Variants in DDX11 observed in about 807,000 individuals in gnomAD.
The protein encoded by DDX11 is DEAD/H-box helicase 11, also known as ATP-dependent DNA helicase DDX11.
In DDX11, 72 loss-of-function variants were observed where a neutral mutation model predicts 125.2. That is an observed-to-expected ratio of 0.58 (90% CI 0.48 to 0.70). The LOEUF is 0.70. DDX11 is among the 30% of genes least tolerant of loss of function. DDX11 has a pLI of 0.00. For synonymous variants in DDX11, 347 were observed against 452.6 expected, an observed-to-expected ratio of 0.77 and a Z score of 2.96; for missense variants, 883 against 1,165.0, an observed-to-expected ratio of 0.76 and a Z score of 3.52.
Position 31,104,305 on chromosome 12 carries a change from GC to G in DDX11, c.*471del. ...TGGTCTCAATTTAAAATGATCCATGGCCACAGGGCTCCTGCCCAGGGGCTTG... is the reference window on the plus strand; with the variant it reads ...TGGTCTCAATTTAAAATGATCCATGGCACAGGGCTCCTGCCCAGGGGCTTG... On this transcript the variant is annotated 3_prime_UTR_variant, in exon 27 of 27. Transcript: ENST00000542838. 2.1e-6 allele frequency: 1 copy of G among 485,988 alleles called. No individual in the cohort carries two copies. Among genetic ancestry groups the G allele is most frequent in the Non-Finnish European group, 3.5e-6 (1 of 284,160 alleles). The allele number at this position is 485,988 out of a possible 1,614,324, so 30.1% of individuals were successfully genotyped here. A position where few individuals can be genotyped will look rare whatever the true frequency, so the allele number is the denominator to read the frequency against.
rs1946216814 is a variant in DDX11, at chr12:31,100,712, G to GGT, written c.1948+5_1948+6insGT. The GGT allele has an allele frequency of 6.4e-7, 1 of 1,551,460 alleles. No individual in the cohort carries two copies. The highest frequency in any genetic ancestry group is 2.0e-5 in the Admixed American group (1 of 51,000). On this transcript the variant is annotated splice_donor_region_variant and intron_variant, in intron 19 of 26. Coordinates refer to ENST00000542838, the MANE Select transcript of DDX11 (RefSeq NM_030653.4). ...GCGTGGTGGAGTTTTCCTGTGGTGA[G>GGT]AAGCTGTGCCCAGGGTGGGGCAGGC...
rs752448493 is a variant in DDX11 at position 31,089,152 on chromosome 12, G to A, written c.792+1G>A. On this transcript the variant is annotated splice_donor_variant, in intron 7 of 26. Transcript: ENST00000542838. LOFTEE classifies it high-confidence loss of function. ...GCTGGTCTCCCTTGGCTCCCGGCAG[G>A]TAAACAGTAGCCAGTATTTCCACCA... 1.2e-5 allele frequency: 20 copies of A among 1,612,568 alleles called. No individual in the cohort carries two copies. The Admixed American group carries it at 2.7e-4, about 21-fold the overall frequency.
chr12:31,093,383 C>T, intron 12 of DDX11, 59 bp downstream of exon 12: 1 of 1,605,130 alleles, frequency 6.2e-7, no homozygotes, highest in Non-Finnish European at 8.5e-7. Context: ...GCTGCTTTTT[C>T]CTTGGATGCC....
At position 31,099,080 on chromosome 12, in the gene DDX11, CTTTCTTTTTT is replaced by C. The variant is rs377253022; in HGVS notation, c.1875+1087_1875+1096del. Among the ~76,000 whole-genome samples, 2,498 of 81,332 alleles carry C rather than the reference CTTTCTTTTTT, an allele frequency of 0.031. 255 individuals are homozygous for C. In the East Asian group the frequency reaches 0.33, roughly 11 times the overall value. The allele number at this position is 81,332 out of a possible 152,430, so 53.4% of individuals were successfully genotyped here. A position where few individuals can be genotyped will look rare whatever the true frequency, so the allele number is the denominator to read the frequency against. On this transcript the variant is annotated intron_variant, in intron 18 of 26. Transcript: ENST00000542838. ...AATCCATACTGGTATTTCTTTCTTT[CTTTCTTTTTT>C]TTTTTTTTTTTTTTTGAGACACAGT...
chr12:31,090,674 T>G (rs149517104), intron 9 of DDX11, among the ~76,000 whole-genome samples: 1 of 152,362 alleles, frequency 6.6e-6, no homozygotes, highest in East Asian at 1.9e-4. Context: ...TGGGTGCAGT[T>G]TCACTATTTC....
At chr12:31,101,489 G>A in intron 20 of DDX11, 1 of 496,566 alleles carries the variant, frequency 2.0e-6, no homozygotes, top group Admixed American at 3.3e-5. Context: ...CTCCTGTGGT[G>A]TGCCTGGGGT....
intron 1 of DDX11, among the ~76,000 whole-genome samples, chr12:31,074,972 T>G (rs1940495505): frequency 6.6e-6 from 1 of 152,296 alleles, no homozygotes; most frequent in South Asian, 2.1e-4. Flanking sequence ...CCCACAACAA[T>G]AGTCTGTACT....
At chr12:31,096,211 T>TTG (rs1945189322) in intron 14 of DDX11, 130 bp from the exon 15 acceptor site, 1 of 1,139,642 alleles carries the variant, frequency 8.8e-7, no homozygotes, top group South Asian at 1.4e-5. Context: ...GCAAGGAGGC[T>TTG]CCAGGTGCCT....
At chr12:31,100,594 G>A in intron 18 of DDX11, 41 bp from the exon 19 acceptor site, 1 of 1,541,934 alleles carries the variant, frequency 6.5e-7, no homozygotes. Flanking sequence ...CTGGGCCTCT[G>A]AGGGGTCATG....
chr12:31,091,469 GT>G lies in DDX11; in HGVS notation c.1090-248del, dbSNP rs1335811372. 5.9e-6 allele frequency: 3 copies of G among 512,100 alleles called. No homozygotes were observed. The Admixed American group carries it at 1.0e-4, about 17-fold the overall frequency. The allele number at this position is 512,100 out of a possible 1,614,324, so 31.7% of individuals were successfully genotyped here. On this transcript the variant is annotated intron_variant, in intron 9 of 26. Coordinates refer to ENST00000542838, the MANE Select transcript of DDX11 (RefSeq NM_030653.4). ...AGGACATGGACAAGGCTAAGCAGGG[GT>G]TCCCTTCACCCAGCCCTGCCCTTGG...
At chr12:31,095,742 CCTT>C (rs1426310150) in intron 14 of DDX11, among the ~76,000 whole-genome samples, 7 of 152,220 alleles carry the variant, frequency 4.6e-5, no homozygotes, top group East Asian at 1.9e-4. Flanking sequence ...TGCAGGCACT[CCTT>C]CTCTCGCCTT....
intron 17 of DDX11, 54 bp from the exon 18 acceptor site, chr12:31,097,831 C>T (rs542393991): frequency 1.7e-5 from 18 of 1,066,016 alleles, no homozygotes; most frequent in Middle Eastern, 2.0e-4. Flanking sequence ...TTTGCTGGGA[C>T]GACAGAAGTG....
chr12:31,080,292 A>G lies in DDX11; in HGVS notation c.144+1755A>G, dbSNP rs1941628944. Among the ~76,000 whole-genome samples the G allele has an allele frequency of 2.0e-5, 3 of 151,622 alleles. No individual in the cohort carries two copies. The South Asian group carries it at 6.3e-4, about 32-fold the overall frequency. On this transcript the variant is annotated intron_variant, in intron 2 of 26. Coordinates refer to ENST00000542838, the MANE Select transcript of DDX11 (RefSeq NM_030653.4). Reference sequence around the variant, plus strand: ...CGGTCTTCCGGGAGGTGGTCTGGGGAAGGGGATCCAGGTGGAGAGTCCCCC... The same window carrying G: ...CGGTCTTCCGGGAGGTGGTCTGGGGGAGGGGATCCAGGTGGAGAGTCCCCC...
intron 1 of DDX11, among the ~76,000 whole-genome samples, chr12:31,077,624 G>A (rs545019772): frequency 6.6e-6 from 1 of 152,194 alleles, no homozygotes; most frequent in African/African-American, 2.4e-5. Flanking sequence ...AAGGCGGGCG[G>A]ATCACGAGGT....
chr12:31,077,973 C>T (rs1338438187), intron 1 of DDX11: 6 of 345,810 alleles, frequency 1.7e-5, no homozygotes, highest in African/African-American at 1.1e-4. Context: ...AGTGAAGTAG[C>T]TTCGGCTTGT....
intron 18 of DDX11, among the ~76,000 whole-genome samples, chr12:31,100,016 G>A (rs966350778): frequency 1.3e-5 from 2 of 152,180 alleles, no homozygotes; most frequent in African/African-American, 4.8e-5. Context: ...TTCTCTGTTG[G>A]ACAGATGTAG....
chr12:31,075,012 A>T (rs1240155472), intron 1 of DDX11, among the ~76,000 whole-genome samples: 1 of 152,210 alleles, frequency 6.6e-6, no homozygotes, highest in Non-Finnish European at 1.5e-5. Flanking sequence ...GGGACTGAAG[A>T]AAATGAACAC....
rs780088782 is a variant in DDX11 at position 31,084,015 on chromosome 12, A to G, written c.347A>G (p.Gln116Arg). Residue 116 changes from glutamine (Q) to arginine (R), a missense_variant, in exon 3 of 27, where the codon CAG becomes CGG. Physicochemically the swap from Gln to Arg is conservative, Grantham distance 43 (BLOSUM62 1). Coordinates refer to ENST00000542838, the MANE Select transcript of DDX11 (RefSeq NM_030653.4). ...RPAGEPAWVT[Q>R]FVQKKEERDL... ...GCTGGAGAACCGGCCTGGGTTACTC[A>G]GTTTGTGCAGAAGAAAGAAGAGAGG... is the stretch of plus-strand genomic sequence containing the variant. 3 of 1,613,936 alleles carry G rather than the reference A, an allele frequency of 1.9e-6. No homozygotes were observed. The highest frequency in any genetic ancestry group is 1.7e-6 in the Non-Finnish European group (2 of 1,179,860).
intron 14 of DDX11, 29 bp from the exon 15 acceptor site, chr12:31,096,312 A>T: frequency 7.0e-7 from 1 of 1,436,876 alleles, no homozygotes. Context: ...GTTTGCACTC[A>T]TGCCTACAGC....
Sources: allele counts gnomAD v4.1 joint callset (sites outside exome capture counted in the v4.1 genomes callset), GRCh38; gene constraint gnomAD v4.1.1; transcripts MANE v1.5; gene names NCBI Gene and HGNC (gene_info 2026-07-23, HGNC 2026-07-21).